SLC22A5: variants seen among roughly 807,000 people sequenced by gnomAD.
The protein encoded by SLC22A5 is solute carrier family 22 member 5.
In SLC22A5, 44 loss-of-function variants were observed where a neutral mutation model predicts 56.7. The observed-to-expected ratio is 0.78, with a 90% CI of 0.61 to 1.00. The LOEUF (loss-of-function observed/expected upper bound fraction) is 1.00. Among genes scored for constraint, SLC22A5 ranks in the 50% least tolerant of loss-of-function variants. SLC22A5 has a pLI of 0.00. For synonymous variants in SLC22A5, 278 were observed against 292.1 expected (o/e 0.95, Z 0.49); for missense variants, 675 against 723.0 (o/e 0.93, Z 0.76).
At chr5:132,374,740 A>T (rs1201196008) in intron 1 of SLC22A5, among the ~76,000 whole-genome samples, 1 of 147,628 alleles carries the variant, frequency 6.8e-6, no homozygotes, top group East Asian at 2.0e-4. Context: ...GTTGACACAA[A>T]GCAGGGGGTC....
chr5:132,385,435 C>T lies in SLC22A5; in HGVS notation c.760C>T (p.Arg254Ter), dbSNP rs121908893. 2.3e-5 allele frequency: 37 copies of T among 1,614,136 alleles called. No homozygotes were observed. The East Asian group carries it at 6.7e-4, about 29-fold the overall frequency. Reference protein sequence around the residue: ...MVLPLFAYFIRDWRMLLVALT... With the variant: ...MVLPLFAYFI ...GCTGCCACTGTTTGCTTACTTCATC[C>T]GAGACTGGCGGATGCTGCTGGTGGC... Residue 254 changes from arginine (R) to a stop codon, truncating the protein, a stop_gained, in exon 4 of 10, where the codon CGA (arginine) becomes TGA (stop). Transcript: ENST00000245407. LOFTEE classifies it high-confidence loss of function.
intron 2 of SLC22A5, 107 bp downstream of exon 2, chr5:132,378,588 T>A (rs911783706): frequency 2.7e-5 from 23 of 852,582 alleles, no homozygotes; most frequent in Non-Finnish European, 4.3e-5. Flanking sequence ...CAGGGCCCTG[T>A]ATTTTAAAGA....
Position 132,387,103 on chromosome 5 carries a change from C to T in SLC22A5, c.903C>T (p.Ala301=), listed in dbSNP as rs772101972. ...EEAEVIIRKA[A]KANGIVVPST... is the part of the protein sequence containing the mutation. ...CAGAGGTGATCATCCGCAAGGCTGC[C>T]AAAGCCAATGGGATTGTTGTGCCTT... Residue 301 remains alanine, a synonymous_variant, in exon 5 of 10, where the codon GCC becomes GCT. Coordinates refer to ENST00000245407, the MANE Select transcript of SLC22A5 (RefSeq NM_003060.4). The T allele has an allele frequency of 1.9e-6, 3 of 1,614,158 alleles. No individual in the cohort carries two copies. The highest frequency in any genetic ancestry group is 4.5e-5 in the East Asian group (2 of 44,884).
chr5:132,388,814 C>T lies in SLC22A5; in HGVS notation c.952-107C>T, dbSNP rs73787199. On this transcript the variant is annotated intron_variant, in intron 5 of 9. Transcript: ENST00000245407. ...TTCTTAGAAACGTAACACTCCCCGA[C>T]GCTGAGATGCAGACAGCTAAGATGC... The T allele has an allele frequency of 3.1e-3, 2,459 of 804,042 alleles. 40 individuals carry two copies. The African/African-American group carries it at 0.033, about 11-fold the overall frequency. The allele number at this position is 804,042 out of a possible 1,614,324, so 49.8% of individuals were successfully genotyped here.
chr5:132,389,673 C>T (rs185232021), intron 6 of SLC22A5: 16 of 158,216 alleles, frequency 1.0e-4, no homozygotes, highest in South Asian at 1.8e-4. Flanking sequence ...AGAAGATGGG[C>T]GAGGAGGGCG....
At chr5:132,392,087 A>G (rs1253294396) in intron 7 of SLC22A5, among the ~76,000 whole-genome samples, 1 of 152,222 alleles carries the variant, frequency 6.6e-6, no homozygotes, top group Non-Finnish European at 1.5e-5. Context: ...ATCATGAGTT[A>G]ATTCCATAGT....
Position 132,378,652 on chromosome 5 carries a change from A to AATC in SLC22A5, c.497+172_497+174dup, listed in dbSNP as rs3841486. 0.32 allele frequency: 207,851 copies of AATC among 643,686 alleles called. 36,913 individuals are homozygous for AATC. The highest frequency in any genetic ancestry group is 0.55 in the South Asian group (31,844 of 57,478). 39.9% of individuals were successfully genotyped at this position (643,686 alleles called of 1,614,324 possible). A position where few individuals can be genotyped will look rare whatever the true frequency, so the allele number is the denominator to read the frequency against. On this transcript the variant is annotated intron_variant, in intron 2 of 9. Transcript: ENST00000245407. ...CCATGCCTAGTAAGAAGAGCCAACA[A>AATC]ATCTGACTCCGTAATTCTTGCTAAG... is the stretch of plus-strand genomic sequence containing the variant.
chr5:132,392,840 T>C lies in SLC22A5; in HGVS notation c.1450+225T>C, dbSNP rs1752753599. The stretch of plus-strand genomic sequence containing the variant: ...ATTACCTAGAAATTGATGAGAATAT[T>C]AGAGGGTTTGTTTCTGTTTTAGCCA... On this transcript the variant is annotated intron_variant, in intron 8 of 9. Transcript: ENST00000245407. Among the ~76,000 whole-genome samples, 12 of 152,260 alleles carry C rather than the reference T, an allele frequency of 7.9e-5. No homozygotes were observed. In the South Asian group the frequency reaches 2.5e-3, roughly 32 times the overall value.
chr5:132,393,534 A>G lies in SLC22A5; in HGVS notation c.1451-142A>G. On this transcript the variant is annotated intron_variant, in intron 8 of 9. Transcript: ENST00000245407. ...GAAACCTGTCTAGATGCCAGATTCTAATCTGACTGCTCAGACTGTGAGAGA... is the reference window on the plus strand; with the variant it reads ...GAAACCTGTCTAGATGCCAGATTCTGATCTGACTGCTCAGACTGTGAGAGA... 3 of 1,045,976 alleles carry G rather than the reference A, an allele frequency of 2.9e-6. No homozygotes were observed. The Admixed American group carries it at 5.1e-5, about 18-fold the overall frequency. 64.8% of individuals were successfully genotyped at this position (1,045,976 alleles called of 1,614,324 possible).
chr5:132,386,718 C>T (rs183600911), intron 4 of SLC22A5, among the ~76,000 whole-genome samples: 1 of 152,324 alleles, frequency 6.6e-6, no homozygotes, highest in East Asian at 1.9e-4. Flanking sequence ...GCCCATCTTG[C>T]ACCCATCTCC....
chr5:132,384,300 G>T lies in SLC22A5; in HGVS notation c.651G>T (p.Leu217=). 6.2e-7 allele frequency: 1 copy of T among 1,614,124 alleles called. No homozygotes were observed. The highest frequency in any genetic ancestry group is 8.5e-7 in the Non-Finnish European group (1 of 1,179,954). Reference sequence around the variant, plus strand: ...CCAACTATGTGGCAGCATTTGTCCTGGGTATGGCCATCAGGTTGGAGTTGA... The same window carrying T: ...CCAACTATGTGGCAGCATTTGTCCTTGGTATGGCCATCAGGTTGGAGTTGA... ...QISNYVAAFV[L]GTEILGKSVR... The change falls in exon 3 of 10, where the codon CTG becomes CTT. Residue 217 remains leucine (L), a splice_region_variant and synonymous_variant. Coordinates refer to ENST00000245407, the MANE Select transcript of SLC22A5 (RefSeq NM_003060.4).
intron 1 of SLC22A5, 107 bp downstream of exon 1, chr5:132,370,472 C>T (rs1751867166): frequency 7.8e-7 from 1 of 1,282,444 alleles, no homozygotes. Context: ...CTGTCACTCC[C>T]CCTCCCCCAA....
At chr5:132,382,958 T>C (rs1438326846) in intron 2 of SLC22A5, 1 of 152,240 alleles carries the variant, frequency 6.6e-6, no homozygotes, top group Non-Finnish European at 1.5e-5. Context: ...TTTCCTCCTG[T>C]TTGTGGCACT....
intron 8 of SLC22A5, 96 bp from the exon 9 acceptor site, chr5:132,393,580 T>C: frequency 7.2e-7 from 1 of 1,390,740 alleles, no homozygotes; most frequent in South Asian, 1.2e-5. Context: ...AGAAGGAAAG[T>C]GATCCCCTTC....
In SLC22A5 at chr5:132,383,997, G is replaced by T. The variant is rs71583486; in HGVS notation, c.498-150G>T. ...GAGGGGGAGAAATAGCATGGGCACT[G>T]TGAGACCGAGACTGTCCCTGGCAGC... On this transcript the variant is annotated intron_variant, in intron 2 of 9. Transcript: ENST00000245407. 0.084 allele frequency: 65,140 copies of T among 776,442 alleles called. 3,888 individuals carry two copies. Among genetic ancestry groups the T allele is most frequent in the East Asian group, 0.3 (11,796 of 39,624 alleles). 48.1% of individuals were successfully genotyped at this position (776,442 alleles called of 1,614,324 possible).
rs769114259 is a variant in SLC22A5 at position 132,390,918 on chromosome 5, G to A, written c.1267+14G>A. The A allele has an allele frequency of 1.4e-5, 23 of 1,603,708 alleles. No individual in the cohort carries two copies. The Admixed American group carries it at 1.5e-4, about 10-fold the overall frequency. ...TGGTACCCCCAGGTAGGGACCATGT[G>A]CATCTATGGTTTGGGGTCTTCACTG... On this transcript the variant is annotated intron_variant, in intron 7 of 9. Transcript: ENST00000245407.
chr5:132,385,611 A>G, intron 4 of SLC22A5, 112 bp downstream of exon 4: 2 of 859,506 alleles, frequency 2.3e-6, no homozygotes, highest in Non-Finnish European at 3.9e-6. Flanking sequence ...AGAGACAGGA[A>G]GCATAGATTA....
rs150544263 is a variant in SLC22A5 at position 132,389,012 on chromosome 5, T to C, written c.1043T>C (p.Ile348Thr). The C allele has an allele frequency of 6.3e-5, 102 of 1,610,152 alleles. No homozygotes were observed. The highest frequency in any genetic ancestry group is 4.2e-4 in the East Asian group (19 of 44,888). The change falls in exon 6 of 10, where the codon ATA becomes ACA. Residue 348 changes from isoleucine to threonine, a missense_variant. Physicochemically the swap from Ile to Thr is moderately conservative, Grantham distance 89 (BLOSUM62 -1). Transcript: ENST00000245407. ...WNIRMVTIMS[I>T]MLWMTISVGY... The stretch of plus-strand genomic sequence containing the variant: ...ATCCGGATGGTCACCATCATGTCCA[T>C]AATGCTGTGGTATGTAAAAGAGACC...
chr5:132,388,244 T>C (rs2126787367), intron 5 of SLC22A5, among the ~76,000 whole-genome samples: 1 of 152,350 alleles, frequency 6.6e-6, no homozygotes, highest in Non-Finnish European at 1.5e-5. Flanking sequence ...AATGAGGCTA[T>C]TTCAGGGGAT....
Sources: allele counts gnomAD v4.1 joint callset (sites outside exome capture counted in the v4.1 genomes callset), GRCh38; gene constraint gnomAD v4.1.1; transcripts MANE v1.5; gene names NCBI Gene and HGNC (gene_info 2026-07-23, HGNC 2026-07-21).